The following CACNA1A variants were observed in gnomAD, a reference collection of about 807,000 sequenced individuals.
CACNA1A encodes voltage-dependent P/Q-type calcium channel subunit alpha-1A.
CACNA1A carries 57 observed loss-of-function variants against 262.4 expected under a neutral mutation model. The observed-to-expected ratio is 0.22, with a 90% confidence interval of 0.18 to 0.27. The LOEUF is 0.27. Among genes scored for constraint, CACNA1A ranks in the 10% least tolerant of loss-of-function variants. The pLI is 1.00. For synonymous variants in CACNA1A, 1,431 were observed against 1,419.3 expected, an observed-to-expected ratio of 1.01 and a Z score of -0.18; for missense variants, 2,526 against 3,562.8, an observed-to-expected ratio of 0.71 and a Z score of 7.41.
At chr19:13,288,926 A>G (rs2057470085) in intron 19 of CACNA1A, among the ~76,000 whole-genome samples, 1 of 152,158 alleles carries the variant, frequency 6.6e-6, no homozygotes, top group African/African-American at 2.4e-5. Flanking sequence ...TGGAAGAGAG[A>G]CAAGCTAATT....
chr19:13,257,564 G>T lies in CACNA1A; in HGVS notation c.4389-13C>A. On this transcript the variant is annotated splice_polypyrimidine_tract_variant and intron_variant, in intron 27 of 46. Transcript: ENST00000360228. Reference sequence around the variant, plus strand: ...ATGCTTGAGGACCCTGCAAGGAATGGGGCAGGGAGAGGGAAGGGGCAGGAA... The same window carrying T: ...ATGCTTGAGGACCCTGCAAGGAATGTGGCAGGGAGAGGGAAGGGGCAGGAA... The T allele has an allele frequency of 6.4e-7, 1 of 1,555,674 alleles. No homozygotes were observed. The highest frequency in any genetic ancestry group is 2.4e-5 in the East Asian group (1 of 42,202).
intron 3 of CACNA1A, among the ~76,000 whole-genome samples, chr19:13,447,721 G>A (rs1467773888): frequency 6.6e-6 from 1 of 152,190 alleles, no homozygotes; most frequent in Non-Finnish European, 1.5e-5. Flanking sequence ...ATTGGTGTAA[G>A]TCCATGAGTC....
At chr19:13,461,611 C>A (rs544243893) in intron 1 of CACNA1A, among the ~76,000 whole-genome samples, 2 of 152,294 alleles carry the variant, frequency 1.3e-5, no homozygotes, top group Middle Eastern at 3.4e-3. Context: ...ACTGGGTAGT[C>A]GAGCTGGGGG....
At position 13,207,471 on chromosome 19, in the gene CACNA1A, G is replaced by T; in HGVS notation, c.7363C>A (p.Pro2455Thr). 2.0e-6 allele frequency: 3 copies of T among 1,479,552 alleles called. No homozygotes were observed. Among genetic ancestry groups the T allele is most frequent in the Non-Finnish European group, 2.7e-6 (3 of 1,119,782 alleles). The allele number at this position is 1,479,552 out of a possible 1,614,324, so 91.7% of individuals were successfully genotyped here. The change falls in exon 47 of 47, where the codon CCC becomes ACC. Residue 2455 changes from proline (P) to threonine (T), a missense_variant. Pro to Thr is a conservative substitution (Grantham distance 38). Transcript: ENST00000360228. This position sits in a 1 kb window ranked among gnomAD's most constrained non-coding sequence, Gnocchi z 5.7. The stretch of plus-strand genomic sequence containing the variant: ...GCGCAGGCCGGGCCCGAGGCCCGGG[G>T]AGTCCTGGGCGAGCGCCCGGTGGCG... ...SGATGRSPRT[P>T]RASGPACASP...
chr19:13,208,586 G>A (rs925372012), intron 46 of CACNA1A, among the ~76,000 whole-genome samples, 170 bp downstream of exon 46: 2 of 152,072 alleles, frequency 1.3e-5, no homozygotes, highest in African/African-American at 4.8e-5. Flanking sequence ...GTGGGGATCC[G>A]TGTCCGCTCC....
intron 3 of CACNA1A, among the ~76,000 whole-genome samples, chr19:13,402,240 G>A (rs2059910106): frequency 6.6e-6 from 1 of 152,226 alleles, no homozygotes; most frequent in Non-Finnish European, 1.5e-5. Context: ...GATGAGGAAA[G>A]GGAATAGGTT....
At chr19:13,445,166 T>C (rs2060786748) in intron 3 of CACNA1A, among the ~76,000 whole-genome samples, 1 of 151,582 alleles carries the variant, frequency 6.6e-6, no homozygotes, top group Non-Finnish European at 1.5e-5. Flanking sequence ...AATTCAATGA[T>C]GCTTCAAGAC....
chr19:13,332,323 C>T (rs1286228574), intron 9 of CACNA1A, among the ~76,000 whole-genome samples: 1 of 152,028 alleles, frequency 6.6e-6, no homozygotes, highest in East Asian at 1.9e-4. Flanking sequence ...TTGCTTGAAC[C>T]TGGGAGCCAG....
chr19:13,461,618 G>C (rs1487282986), intron 1 of CACNA1A, among the ~76,000 whole-genome samples: 1 of 152,186 alleles, frequency 6.6e-6, no homozygotes, highest in Admixed American at 6.5e-5. Context: ...AGTCGAGCTG[G>C]GGGGCAGGCG....
intron 31 of CACNA1A, among the ~76,000 whole-genome samples, chr19:13,240,808 T>A (rs2056059789): frequency 6.6e-6 from 1 of 151,998 alleles, no homozygotes; most frequent in Non-Finnish European, 1.5e-5. Flanking sequence ...GCACAGTGAC[T>A]GTGTGTGCAG....
chr19:13,290,890 T>C (rs1179106643), intron 19 of CACNA1A, among the ~76,000 whole-genome samples: 1 of 152,120 alleles, frequency 6.6e-6, no homozygotes, highest in Non-Finnish European at 1.5e-5. Context: ...GGCATTTTCT[T>C]AGAGGAATAC....
At chr19:13,231,928 G>C in intron 34 of CACNA1A, 68 bp from the exon 35 acceptor site, 1 of 1,522,136 alleles carries the variant, frequency 6.6e-7, no homozygotes, top group Admixed American at 1.8e-5. Context: ...CTCCCCAGGA[G>C]GTGGAGCACA....
In CACNA1A at chr19:13,335,916, G is replaced by A. The variant is rs1375150525; in HGVS notation, c.979-7C>T. ...TCCCTGAGGCATCGTTGCTCTGTAG[G>A]GTGTGAGGAGGGAAAGCAGGTGAGA... On this transcript the variant is annotated splice_region_variant and splice_polypyrimidine_tract_variant and intron_variant, in intron 6 of 46. Transcript: ENST00000360228. The A allele has an allele frequency of 3.2e-6, 5 of 1,554,040 alleles. No homozygotes were observed. Among genetic ancestry groups the A allele is most frequent in the Non-Finnish European group, 4.4e-6 (5 of 1,134,984 alleles).
chr19:13,490,689 A>AACGG (rs1342028310), intron 1 of CACNA1A, among the ~76,000 whole-genome samples: 930 of 88,094 alleles, frequency 0.011, 8 homozygotes, highest in African/African-American at 0.045. Context: ...AGAGAGAAAG[A>AACGG]AAGGAAAGAA....
intron 1 of CACNA1A, among the ~76,000 whole-genome samples, chr19:13,505,640 AC>A (rs1982934149): frequency 6.6e-6 from 1 of 151,266 alleles, no homozygotes; most frequent in Non-Finnish European, 1.5e-5. Flanking sequence ...CTCCTGCACG[AC>A]CCCAGGCCCC....
intron 3 of CACNA1A, among the ~76,000 whole-genome samples, chr19:13,386,426 T>TCTC (rs966806030): frequency 3.9e-5 from 6 of 152,082 alleles, no homozygotes; most frequent in African/African-American, 1.4e-4. Flanking sequence ...CAGCCCTTCC[T>TCTC]CTCCCTCTTC....
intron 22 of CACNA1A, among the ~76,000 whole-genome samples, chr19:13,282,723 T>G (rs4926257): frequency 1.3e-5 from 2 of 151,852 alleles, no homozygotes; most frequent in South Asian, 4.2e-4. Flanking sequence ...GAGGATTAAA[T>G]GAGATACTGC....
intron 19 of CACNA1A, among the ~76,000 whole-genome samples, chr19:13,292,283 T>G (rs1045566755): frequency 6.6e-6 from 1 of 151,738 alleles, no homozygotes; most frequent in Non-Finnish European, 1.5e-5. Flanking sequence ...CAGATGAAGG[T>G]AGGAATGAGG....
chr19:13,277,679 C>G (rs750394985), intron 22 of CACNA1A: 2 of 155,412 alleles, frequency 1.3e-5, no homozygotes, highest in East Asian at 3.8e-4. Context: ...TCTGCCTGGA[C>G]GAGCAATGTC....
Sources: allele counts gnomAD v4.1 joint callset (sites outside exome capture counted in the v4.1 genomes callset), GRCh38; gene constraint gnomAD v4.1.1; non-coding constraint Gnocchi (gnomAD v3.1); transcripts MANE v1.5; gene names NCBI Gene and HGNC (gene_info 2026-07-23, HGNC 2026-07-21).